The following RIC1 variants were observed in gnomAD, a reference collection of about 807,000 sequenced individuals.
RIC1 encodes the protein guanine nucleotide exchange factor subunit RIC1.
Under a neutral mutation model 169.0 loss-of-function variants are expected in RIC1, and 88 were observed. That is an observed-to-expected ratio of 0.52 (90% CI 0.44 to 0.62). The LOEUF (loss-of-function observed/expected upper bound fraction) is 0.62. RIC1 is among the 20% of genes least tolerant of loss of function. The pLI, the probability that RIC1 is intolerant of heterozygous loss-of-function variation, is 0.00. For synonymous variants in RIC1, 790 were observed against 601.5 expected, an observed-to-expected ratio of 1.31 and a Z score of -4.59; for missense variants, 1,877 against 1,725.5, an observed-to-expected ratio of 1.09 and a Z score of -1.56.
At chr9:5,741,798 T>C (rs1260676412) in intron 8 of RIC1, among the ~76,000 whole-genome samples, 1 of 152,206 alleles carries the variant, frequency 6.6e-6, no homozygotes, top group Non-Finnish European at 1.5e-5. Context: ...TGATTCTTTG[T>C]GTTCTTGCTC....
chr9:5,755,191 G>A (rs1413734915), intron 15 of RIC1, among the ~76,000 whole-genome samples: 3 of 152,114 alleles, frequency 2.0e-5, no homozygotes, highest in Admixed American at 2.0e-4. Flanking sequence ...TGAAAATAAA[G>A]AGTTAAAAGC....
At chr9:5,662,217 A>G (rs1315780101) in intron 2 of RIC1, among the ~76,000 whole-genome samples, 1 of 152,018 alleles carries the variant, frequency 6.6e-6, no homozygotes, top group African/African-American at 2.4e-5. Context: ...TTGATGGGCT[A>G]CTGGATATTT....
At chr9:5,685,860 T>C (rs892617724) in intron 2 of RIC1, among the ~76,000 whole-genome samples, 5 of 133,154 alleles carry the variant, frequency 3.8e-5, no homozygotes, top group African/African-American at 1.1e-4. Flanking sequence ...TGGGAGAAAA[T>C]TTTTGCAACC....
At position 5,681,267 on chromosome 9, in the gene RIC1, T is replaced by G. The variant is rs190252712; in HGVS notation, c.253-8692T>G. On this transcript the variant is annotated intron_variant, in intron 2 of 25. Coordinates refer to ENST00000414202, the MANE Select transcript of RIC1 (RefSeq NM_020829.4). The stretch of plus-strand genomic sequence containing the variant: ...AATTGTGATGTTAGGGTGTCAATTT[T>G]AGATCTTTCCTGCTTTCTCTTGTGG... Among the ~76,000 whole-genome samples, 87 of 152,356 alleles carry G rather than the reference T, an allele frequency of 5.7e-4. No individual in the cohort carries two copies. In the East Asian group the frequency reaches 0.015, roughly 26 times the overall value.
At position 5,656,606 on chromosome 9, in the gene RIC1, C is replaced by T. The variant is rs1301125029; in HGVS notation, c.168C>T (p.Tyr56=). 1.9e-6 allele frequency: 3 copies of T among 1,602,568 alleles called. No individual in the cohort carries two copies. The highest frequency in any genetic ancestry group is 1.4e-5 in the African/African-American group (1 of 73,940). ...YSRPSVLIVT[Y]KEPAKSSTQF... is the part of the protein sequence containing the mutation. ...AGCCTAGTGTGTTAATTGTAACCTA[C>T]AAGGAGCCTGCAAAATCATCTACTC... The change falls in exon 2 of 26, where the codon TAC becomes TAT. Residue 56 remains tyrosine, a synonymous_variant. Coordinates refer to ENST00000414202, the MANE Select transcript of RIC1 (RefSeq NM_020829.4).
intron 2 of RIC1, among the ~76,000 whole-genome samples, chr9:5,684,925 A>T (rs1371998977): frequency 6.6e-6 from 1 of 152,136 alleles, no homozygotes; most frequent in East Asian, 1.9e-4. Context: ...TCAGACTGTC[A>T]TGGTTTTCCT....
At chr9:5,647,502 A>G (rs927570364) in intron 1 of RIC1, among the ~76,000 whole-genome samples, 1 of 152,154 alleles carries the variant, frequency 6.6e-6, no homozygotes, top group African/African-American at 2.4e-5. Context: ...TGCAGTTTTC[A>G]CTGTAGAAGT....
intron 23 of RIC1, among the ~76,000 whole-genome samples, chr9:5,771,085 T>G (rs2131145985): frequency 1.3e-5 from 2 of 152,328 alleles, no homozygotes; most frequent in Middle Eastern, 3.4e-3. Flanking sequence ...GAATACACAA[T>G]TTAACAGCTT....
At position 5,769,067 on chromosome 9, in the gene RIC1, C is replaced by T; in HGVS notation, c.3235C>T (p.Leu1079Phe). The T allele has an allele frequency of 1.2e-6, 2 of 1,614,076 alleles. No homozygotes were observed. Among genetic ancestry groups the T allele is most frequent in the Non-Finnish European group, 1.7e-6 (2 of 1,179,990 alleles). The change falls in exon 22 of 26, where the codon CTT becomes TTT. Residue 1079 changes from leucine (L) to phenylalanine (F), a missense_variant. Physicochemically the swap from Leu to Phe is conservative, Grantham distance 22 (BLOSUM62 0). This residue lies in a region of RIC1 where 681 missense variants were observed against 582.0 expected (regional missense o/e 1.17). Transcript: ENST00000414202. ...RLLEDVRLKD[L>F]GCFAAQLGFE... ...CTTAGAAGATGTGAGGTTAAAGGAC[C>T]TTGGCTGCTTTGCAGCCCAGCTGGG...
chr9:5,713,745 G>A, intron 3 of RIC1, 151 bp from the exon 4 acceptor site: 1 of 498,418 alleles, frequency 2.0e-6, no homozygotes, highest in South Asian at 3.2e-5. Flanking sequence ...TGCTATAATA[G>A]AATTTAAGTC....
chr9:5,678,116 G>C (rs1022905912), intron 2 of RIC1, among the ~76,000 whole-genome samples: 1 of 149,806 alleles, frequency 6.7e-6, no homozygotes, highest in Non-Finnish European at 1.5e-5. Flanking sequence ...TTTGTCCTTG[G>C]GATAGTTTGC....
intron 25 of RIC1, among the ~76,000 whole-genome samples, chr9:5,773,419 A>G (rs778582908): frequency 2.6e-5 from 4 of 152,194 alleles, no homozygotes; most frequent in Non-Finnish European, 5.9e-5. Context: ...AATGGTCTAC[A>G]AATATCTACT....
In RIC1 at chr9:5,776,549, T is replaced by C. The variant is rs1207971545; in HGVS notation, c.*2303T>C. ...CCCTTGGTAAAGGGCAATAAAACCA[T>C]TACACAAACTTTGGTTTATTCATCA... On this transcript the variant is annotated 3_prime_UTR_variant, in exon 26 of 26. Transcript: ENST00000414202. 2.0e-5 allele frequency: 3 copies of C among 152,094 alleles called. No individual in the cohort carries two copies. The highest frequency in any genetic ancestry group is 4.4e-5 in the Non-Finnish European group (3 of 67,958). The allele number at this position is 152,094 out of a possible 1,614,324, so 9.4% of individuals were successfully genotyped here. A position where few individuals can be genotyped will look rare whatever the true frequency, so the allele number is the denominator to read the frequency against.
At chr9:5,754,208 A>ACT (rs1825873094) in intron 14 of RIC1, among the ~76,000 whole-genome samples, 1 of 152,226 alleles carries the variant, frequency 6.6e-6, no homozygotes, top group Non-Finnish European at 1.5e-5. Context: ...AAACACACAC[A>ACT]CACACACAAA....
intron 8 of RIC1, among the ~76,000 whole-genome samples, chr9:5,741,060 A>T (rs996129426): frequency 6.6e-6 from 1 of 152,118 alleles, no homozygotes; most frequent in African/African-American, 2.4e-5. Flanking sequence ...GGAGAGTCTG[A>T]AATGTACTTA....
intron 2 of RIC1, among the ~76,000 whole-genome samples, chr9:5,662,535 G>A (rs1002678178): frequency 6.6e-6 from 1 of 151,624 alleles, no homozygotes; most frequent in East Asian, 1.9e-4. Context: ...GGTCTATTCA[G>A]AGATTCAGTT....
chr9:5,740,630 C>T (rs1825023761), intron 8 of RIC1, among the ~76,000 whole-genome samples: 1 of 150,932 alleles, frequency 6.6e-6, no homozygotes, highest in African/African-American at 2.4e-5. Context: ...ATCCAGCACA[C>T]GAGATGTAGG....
intron 1 of RIC1, among the ~76,000 whole-genome samples, chr9:5,651,620 G>A (rs1818806915): frequency 7.3e-6 from 1 of 137,256 alleles, no homozygotes; most frequent in African/African-American, 2.7e-5. Flanking sequence ...CTTGAGTGCA[G>A]TGGTGTGATC....
intron 15 of RIC1, 25 bp from the exon 16 acceptor site, chr9:5,756,186 AT>A: frequency 6.8e-7 from 1 of 1,460,784 alleles, no homozygotes; most frequent in Non-Finnish European, 9.2e-7. Flanking sequence ...TGTTTTTATA[AT>A]TTTCTTCATT....
Sources: gnomAD v4.1 joint callset for allele counts (sites outside exome capture counted in the v4.1 genomes callset) on GRCh38, gnomAD v4.1.1 for gene constraint, gnomAD v4.1.1 regional missense constraint, MANE v1.5 for transcripts, NCBI Gene and HGNC (gene_info 2026-07-23, HGNC 2026-07-21) for gene names.